The following SLC14A2 variants were observed in gnomAD, a reference collection of about 807,000 sequenced individuals.
The protein encoded by SLC14A2 is urea transporter 2.
SLC14A2 carries 91 observed loss-of-function variants against 104.6 expected under a neutral mutation model. The ratio of observed to expected loss-of-function variants is 0.87; its 90% CI spans 0.73 to 1.04. The LOEUF is 1.04. Among genes scored for constraint, SLC14A2 ranks in the 50% least tolerant of loss-of-function variants. The probability of loss-of-function intolerance (pLI) is 0.00; values close to 1 mark genes in which losing one functional copy is unlikely to be tolerated. For synonymous variants in SLC14A2, 476 were observed against 466.4 expected (o/e 1.02, Z -0.27); for missense variants, 1,189 against 1,156.0 (o/e 1.03, Z -0.41).
chr18:45,516,439 G>A (rs947169125), intron 2 of SLC14A2, among the ~76,000 whole-genome samples: 1 of 152,278 alleles, frequency 6.6e-6, no homozygotes, highest in South Asian at 2.1e-4. Context: ...ATTTGTAAAA[G>A]GAAGGTCCTA....
At chr18:45,388,397 A>G (rs1327860809) in intron 1 of SLC14A2, among the ~76,000 whole-genome samples, 6 of 152,036 alleles carry the variant, frequency 3.9e-5, no homozygotes, top group African/African-American at 1.2e-4. Context: ...CCTGAAATGA[A>G]GTCTTGCTTT....
intron 1 of SLC14A2, among the ~76,000 whole-genome samples, chr18:45,437,799 A>T (rs923217519): frequency 6.6e-6 from 1 of 152,190 alleles, no homozygotes; most frequent in East Asian, 1.9e-4. Context: ...CATTTTGTTG[A>T]TAAGAAAATT....
At chr18:45,182,017 G>T in the SLC14A2 span, among the ~76,000 whole-genome samples, 4 of 151,908 alleles carry the variant, frequency 2.6e-5, no homozygotes, top group Non-Finnish European at 5.9e-5. Flanking sequence ...TATGATTTAT[G>T]GCCAAAAGAG....
At chr18:45,301,775 G>T (rs531987087) in intron 1 of SLC14A2, among the ~76,000 whole-genome samples, 1 of 152,320 alleles carries the variant, frequency 6.6e-6, no homozygotes, top group East Asian at 1.9e-4. Flanking sequence ...GAATGATTTT[G>T]TATCCTGAAC....
the SLC14A2 span, among the ~76,000 whole-genome samples, chr18:45,187,166 G>C: frequency 2.6e-5 from 4 of 152,210 alleles, no homozygotes; most frequent in South Asian, 8.3e-4. Context: ...AGTATACTTT[G>C]GTGACTATGG....
chr18:45,255,690 C>T (rs554235468), intron 1 of SLC14A2, among the ~76,000 whole-genome samples: 34 of 152,164 alleles, frequency 2.2e-4, no homozygotes, highest in Non-Finnish European at 3.2e-4. Flanking sequence ...TTAATTTCCA[C>T]GACTGACATT....
intron 1 of SLC14A2, among the ~76,000 whole-genome samples, chr18:45,423,412 T>C (rs1475496552): frequency 6.6e-6 from 1 of 152,158 alleles, no homozygotes; most frequent in Non-Finnish European, 1.5e-5. Flanking sequence ...ACCCCCTGTG[T>C]GGAGGAGCTT....
chr18:45,289,029 C>G (rs2084843175), intron 1 of SLC14A2, among the ~76,000 whole-genome samples: 1 of 152,212 alleles, frequency 6.6e-6, no homozygotes, highest in Admixed American at 6.5e-5. Flanking sequence ...CAAGAGTAAT[C>G]CCAAGTCCTG....
At chr18:45,495,107 C>G (rs2043071080) in intron 2 of SLC14A2, among the ~76,000 whole-genome samples, 1 of 152,046 alleles carries the variant, frequency 6.6e-6, no homozygotes, top group Non-Finnish European at 1.5e-5. Context: ...TACGCTGCAT[C>G]CTGTCTGACT....
intron 2 of SLC14A2, among the ~76,000 whole-genome samples, chr18:45,564,312 T>TA (rs1220830348): frequency 2.6e-5 from 4 of 152,340 alleles, no homozygotes; most frequent in Non-Finnish European, 5.9e-5. Context: ...TCTGGGCATT[T>TA]AAAAACTTGT....
intron 1 of SLC14A2, among the ~76,000 whole-genome samples, chr18:45,225,115 A>G (rs971062877): frequency 6.6e-6 from 1 of 152,120 alleles, no homozygotes; most frequent in Non-Finnish European, 1.5e-5. Flanking sequence ...TAGGGTTTTT[A>G]TGGTTCTAGG....
At position 45,560,304 on chromosome 18, in the gene SLC14A2, A is replaced by C. The variant is rs901626921; in HGVS notation, c.-34-64327A>C. Among the ~76,000 whole-genome samples the C allele has an allele frequency of 8.3e-4, 126 of 152,200 alleles. 1 individual carries two copies. Among genetic ancestry groups the C allele is most frequent in the Non-Finnish European group, 7.3e-5 (5 of 68,034 alleles). On this transcript the variant is annotated intron_variant, in intron 2 of 20. Transcript: ENST00000586448. ...TTAGAGAGGCTAAATAGCTTTGTCTAAGGCCAAAAGGTCAGTAACTGACCA... is the reference window on the plus strand; with the variant it reads ...TTAGAGAGGCTAAATAGCTTTGTCTCAGGCCAAAAGGTCAGTAACTGACCA...
rs148918730 is a variant in SLC14A2, at chr18:45,623,434, C to T, written c.-34-1197C>T. ...AAGTCTTCTCTGAATGACAGAGTGACCAGAGAGTCAGTAACGCAGCAGTGG... is the reference window on the plus strand; with the variant it reads ...AAGTCTTCTCTGAATGACAGAGTGATCAGAGAGTCAGTAACGCAGCAGTGG... On this transcript the variant is annotated intron_variant, in intron 1 of 19. Coordinates refer to ENST00000255226, the MANE Select transcript of SLC14A2 (RefSeq NM_007163.4). 2.9e-4 allele frequency among the ~76,000 whole-genome samples: 44 copies of T among 152,200 alleles called. 1 individual carries two copies. In the East Asian group the frequency reaches 8.3e-3, roughly 29 times the overall value.
At chr18:45,456,619 T>C (rs2086948151) in intron 1 of SLC14A2, among the ~76,000 whole-genome samples, 1 of 152,204 alleles carries the variant, frequency 6.6e-6, no homozygotes, top group African/African-American at 2.4e-5. Context: ...AGTCCATGTC[T>C]CCAGTGAATT....
intron 9 of SLC14A2, 33 bp from the exon 10 acceptor site, chr18:45,643,953 A>C (rs1568311245): frequency 1.2e-6 from 2 of 1,600,274 alleles, no homozygotes; most frequent in African/African-American, 2.7e-5. Context: ...GAAACTAGGA[A>C]ACTTCTTCAG....
intron 1 of SLC14A2, among the ~76,000 whole-genome samples, chr18:45,616,750 A>G (rs931317809): frequency 1.3e-5 from 2 of 152,230 alleles, no homozygotes; most frequent in African/African-American, 4.8e-5. Context: ...CCATTTATTC[A>G]TGGGATGAGA....
intron 2 of SLC14A2, among the ~76,000 whole-genome samples, chr18:45,542,779 A>G (rs867504926): frequency 6.6e-6 from 1 of 152,142 alleles, no homozygotes; most frequent in African/African-American, 2.4e-5. Flanking sequence ...CTGCAGTGGA[A>G]GGGAGCAGAG....
chr18:45,319,832 T>C (rs1051487004), intron 1 of SLC14A2, among the ~76,000 whole-genome samples: 1 of 152,214 alleles, frequency 6.6e-6, no homozygotes, highest in African/African-American at 2.4e-5. Context: ...GGGTATATTA[T>C]TGTTTTTTTC....
At chr18:45,496,265 GT>G (rs2043096055) in intron 2 of SLC14A2, among the ~76,000 whole-genome samples, 1 of 152,192 alleles carries the variant, frequency 6.6e-6, no homozygotes, top group Non-Finnish European at 1.5e-5. Flanking sequence ...ACATTTCCAA[GT>G]GTGATGGTTA....
Sources: gnomAD v4.1 joint callset for allele counts (sites outside exome capture counted in the v4.1 genomes callset) on GRCh38, gnomAD v4.1.1 for gene constraint, MANE v1.5 for transcripts, NCBI Gene and HGNC (gene_info 2026-07-23, HGNC 2026-07-21) for gene names.